MAML3: variants seen among roughly 807,000 people sequenced by gnomAD.
The protein encoded by MAML3 is mastermind-like protein 3.
A neutral mutation model predicts 101.9 loss-of-function variants in MAML3; 27 were observed. The ratio of observed to expected loss-of-function variants is 0.27; its 90% CI spans 0.20 to 0.37. MAML3 has a LOEUF of 0.37. Ranked by LOEUF, MAML3 falls within the 10% of genes least tolerant of loss-of-function variation. MAML3 has a pLI of 1.00. For synonymous variants in MAML3, 501 were observed against 555.9 expected (o/e 0.90, Z 1.39); for missense variants, 1,316 against 1,444.9 (o/e 0.91, Z 1.45).
chr4:139,744,707 C>T (rs1212716877), intron 2 of MAML3, among the ~76,000 whole-genome samples: 2 of 152,208 alleles, frequency 1.3e-5, no homozygotes, highest in South Asian at 2.1e-4. Context: ...AGTGCAGCCA[C>T]GGCCCCTGTC....
intron 1 of MAML3, among the ~76,000 whole-genome samples, chr4:139,958,000 T>C (rs556135779): frequency 1.3e-5 from 2 of 152,290 alleles, no homozygotes; most frequent in South Asian, 4.1e-4. Context: ...CTGTAAGAGA[T>C]TTTTCATATC....
At chr4:140,137,453 T>C (rs1202689898) in intron 1 of MAML3, among the ~76,000 whole-genome samples, 1 of 152,244 alleles carries the variant, frequency 6.6e-6, no homozygotes, top group Non-Finnish European at 1.5e-5. Context: ...AATATTTTTC[T>C]AAGCAATCCT....
intron 2 of MAML3, among the ~76,000 whole-genome samples, chr4:139,790,244 A>ATATATAC (rs1560795077): frequency 8.4e-5 from 8 of 95,456 alleles, no homozygotes; most frequent in Non-Finnish European, 1.6e-4. Flanking sequence ...TATATATATA[A>ATATATAC]ATAAATATAT....
intron 1 of MAML3, among the ~76,000 whole-genome samples, chr4:139,906,820 T>A (rs1247945530): frequency 6.6e-6 from 1 of 152,210 alleles, no homozygotes; most frequent in Non-Finnish European, 1.5e-5. Flanking sequence ...TGGTTATAGC[T>A]CTCTAAAACT....
At chr4:139,848,555 T>G (rs1731489625) in intron 2 of MAML3, among the ~76,000 whole-genome samples, 1 of 152,254 alleles carries the variant, frequency 6.6e-6, no homozygotes, top group Admixed American at 6.5e-5. Flanking sequence ...GATTTTAATT[T>G]TCTTATTTTT....
chr4:139,798,776 T>C (rs1364380651), intron 2 of MAML3, among the ~76,000 whole-genome samples: 1 of 152,336 alleles, frequency 6.6e-6, no homozygotes, highest in Non-Finnish European at 1.5e-5. Flanking sequence ...GTCCTAGCCT[T>C]ACCTCCAAAA....
chr4:139,861,276 C>T (rs1325703897), intron 2 of MAML3, among the ~76,000 whole-genome samples: 2 of 152,032 alleles, frequency 1.3e-5, no homozygotes, highest in South Asian at 2.1e-4. Flanking sequence ...TTGGCATTCC[C>T]GAAGGCTCTA....
chr4:140,001,511 A>G (rs1734923908), intron 1 of MAML3, among the ~76,000 whole-genome samples: 1 of 152,230 alleles, frequency 6.6e-6, no homozygotes, highest in Admixed American at 6.5e-5. Context: ...TAAGACACCG[A>G]GCTGGCCCTG....
chr4:140,051,922 A>G (rs1180697162), intron 1 of MAML3, among the ~76,000 whole-genome samples: 1 of 152,172 alleles, frequency 6.6e-6, no homozygotes, highest in African/African-American at 2.4e-5. Flanking sequence ...AGAACCAGGC[A>G]ATTCTCTCTG....
intron 1 of MAML3, among the ~76,000 whole-genome samples, chr4:139,978,984 C>T (rs1560855473): frequency 6.6e-6 from 1 of 151,588 alleles, no homozygotes; most frequent in Non-Finnish European, 1.5e-5. Flanking sequence ...GACTAGTTAC[C>T]TTAGAGAAAC....
intron 2 of MAML3, among the ~76,000 whole-genome samples, chr4:139,878,603 A>G (rs1464240791): frequency 6.6e-6 from 1 of 152,190 alleles, no homozygotes; most frequent in Non-Finnish European, 1.5e-5. Context: ...TGCACTGGGT[A>G]GGGGCCTAGG....
chr4:140,026,826 A>G (rs1726833900), intron 1 of MAML3, among the ~76,000 whole-genome samples: 1 of 152,170 alleles, frequency 6.6e-6, no homozygotes, highest in Non-Finnish European at 1.5e-5. Flanking sequence ...TAGTAGCTGG[A>G]GAATATCCTG....
At chr4:139,865,774 T>C (rs1464013321) in intron 2 of MAML3, among the ~76,000 whole-genome samples, 1 of 152,246 alleles carries the variant, frequency 6.6e-6, no homozygotes, top group Admixed American at 6.5e-5. Context: ...TTAGAGAGCC[T>C]GCTTGGGTCC....
intron 1 of MAML3, among the ~76,000 whole-genome samples, chr4:140,094,860 C>A (rs190611626): frequency 6.6e-6 from 1 of 152,232 alleles, no homozygotes; most frequent in African/African-American, 2.4e-5. Context: ...ATAAGCTGTT[C>A]TTTTTCTTTT....
rs1299466289 is a variant in MAML3 at position 140,091,541 on chromosome 4, AAC to A, written c.468+61317_468+61318del. ...AAACAAAACAAAACAACAAAACAAA[AAC>A]AAAACAAAAAAAAAAAACAGGACCA... is the stretch of plus-strand genomic sequence containing the variant. On this transcript the variant is annotated intron_variant, in intron 1 of 4. Transcript: ENST00000509479. Among the ~76,000 whole-genome samples, 34 of 138,372 alleles carry A rather than the reference AAC, an allele frequency of 2.5e-4. 1 individual carries two copies. Among genetic ancestry groups the A allele is most frequent in the African/African-American group, 9.6e-4 (34 of 35,276 alleles). 90.8% of individuals were successfully genotyped at this position (138,372 alleles called of 152,430 possible).
At chr4:140,095,160 T>A (rs1193146857) in intron 1 of MAML3, among the ~76,000 whole-genome samples, 1 of 152,192 alleles carries the variant, frequency 6.6e-6, no homozygotes, top group Non-Finnish European at 1.5e-5. Flanking sequence ...GTGCCACACA[T>A]CTTTCTTTGC....
chr4:139,999,503 T>G (rs9996478), intron 1 of MAML3, among the ~76,000 whole-genome samples: 76,058 of 152,024 alleles, frequency 0.5, 19,492 homozygotes, highest in East Asian at 0.65. Context: ...TTATTCAATT[T>G]CCAAAGCACT....
intron 1 of MAML3, among the ~76,000 whole-genome samples, chr4:140,117,918 G>T (rs1463387462): frequency 6.6e-6 from 1 of 151,894 alleles, no homozygotes; most frequent in Non-Finnish European, 1.5e-5. Flanking sequence ...AATTCTAAGG[G>T]TAATTTGTGT....
At position 139,752,622 on chromosome 4, in the gene MAML3, C is replaced by A. The variant is rs574656666; in HGVS notation, c.2080-21955G>T. Among the ~76,000 whole-genome samples the A allele has an allele frequency of 4.6e-5, 7 of 152,272 alleles. No homozygotes were observed. In the South Asian group the frequency reaches 1.2e-3, roughly 27 times the overall value. On this transcript the variant is annotated intron_variant, in intron 2 of 4. Coordinates refer to ENST00000509479, the MANE Select transcript of MAML3 (RefSeq NM_018717.5). ...AGAGAAGGCTTGGCACAAATACATT[C>A]TGTATTTTTCTAAATGATAATAATA...
Sources: allele counts gnomAD v4.1 joint callset (sites outside exome capture counted in the v4.1 genomes callset), GRCh38; gene constraint gnomAD v4.1.1; transcripts MANE v1.5; gene names NCBI Gene and HGNC (gene_info 2026-07-23, HGNC 2026-07-21).